ETV5: variants seen among roughly 807,000 people sequenced by gnomAD.
The protein encoded by ETV5 is ETS variant transcription factor 5.
A neutral mutation model predicts 70.0 loss-of-function variants in ETV5; 10 were observed. The ratio of observed to expected loss-of-function variants is 0.14; its 90% CI spans 0.09 to 0.24. ETV5 has a LOEUF of 0.24. Ranked by LOEUF, ETV5 falls within the 10% of genes least tolerant of loss-of-function variation. The pLI is 1.00. For missense variants in ETV5, 453 were observed against 651.2 expected, an observed-to-expected ratio of 0.70 and a Z score of 3.31; for synonymous variants, 216 against 242.2, an observed-to-expected ratio of 0.89 and a Z score of 1.01.
At chr3:186,078,895 G>T (rs1578551456) in intron 7 of ETV5, 1 of 254,942 alleles carries the variant, frequency 3.9e-6, no homozygotes, top group East Asian at 6.0e-5. Context: ...GAAATAAAAT[G>T]ACCTCCAAGT....
chr3:186,067,609 C>CA lies in ETV5; in HGVS notation c.651-1538dup, dbSNP rs908859546. Among the ~76,000 whole-genome samples, 261 of 116,642 alleles carry CA rather than the reference C, an allele frequency of 2.2e-3. 2 individuals are homozygous for CA. Among genetic ancestry groups the CA allele is most frequent in the Middle Eastern group, 4.5e-3 (1 of 220 alleles). 76.5% of individuals were successfully genotyped at this position (116,642 alleles called of 152,430 possible). ...CCTGGGCAACAGAGCAAGACTGTCT[C>CA]AAAAAAAAAAAAAAGTGAAACCATC... On this transcript the variant is annotated intron_variant, in intron 7 of 12. Transcript: ENST00000306376.
intron 6 of ETV5, among the ~76,000 whole-genome samples, chr3:186,080,350 G>A (rs899424258): frequency 6.6e-6 from 1 of 151,964 alleles, no homozygotes; most frequent in Non-Finnish European, 1.5e-5. Context: ...CTCTGCTTCC[G>A]GTTTCCTTTT....
chr3:186,049,971 G>A (rs1712986489), intron 12 of ETV5, among the ~76,000 whole-genome samples: 2 of 152,200 alleles, frequency 1.3e-5, no homozygotes, highest in South Asian at 4.2e-4. Context: ...AAAAATGGAG[G>A]GCATGGGACT....
chr3:186,104,687 C>A (rs530094303), intron 5 of ETV5, among the ~76,000 whole-genome samples: 27 of 151,932 alleles, frequency 1.8e-4, no homozygotes, highest in African/African-American at 5.1e-4. Context: ...TGGCCTAACA[C>A]CAAATATATT....
chr3:186,055,377 G>C (rs1172991669), intron 11 of ETV5, among the ~76,000 whole-genome samples: 3 of 152,160 alleles, frequency 2.0e-5, no homozygotes, highest in Non-Finnish European at 4.4e-5. Flanking sequence ...GTGAGGAGAG[G>C]CATGGGTCGG....
chr3:186,048,763 T>C lies in ETV5; in HGVS notation c.1409A>G (p.Glu470Gly), dbSNP rs1178585908. ...PDNQRPFLKA[E>G]SECHLSEEDT... is the part of the protein sequence containing the mutation. ...CTCCTCGCTGAGGTGGCACTCGGAC[T>C]CTGCCTTCAGGAACGGACGCTGGTT... The change falls in exon 13 of 13, where the codon GAG becomes GGG. Residue 470 changes from glutamate to glycine, a missense_variant. Physicochemically the swap from Glu to Gly is moderately conservative, Grantham distance 98. Coordinates refer to ENST00000306376, the MANE Select transcript of ETV5 (RefSeq NM_004454.3). 3 of 1,614,052 alleles carry C rather than the reference T, an allele frequency of 1.9e-6. No homozygotes were observed. Among genetic ancestry groups the C allele is most frequent in the Non-Finnish European group, 2.5e-6 (3 of 1,180,036 alleles).
chr3:186,108,584 G>A, intron 1 of ETV5: 3 of 1,245,878 alleles, frequency 2.4e-6, no homozygotes. Context: ...GAGCCTCCAA[G>A]TCCCCTCGGG....
intron 5 of ETV5, among the ~76,000 whole-genome samples, chr3:186,084,787 C>T (rs567163682): frequency 4.3e-4 from 65 of 152,270 alleles, no homozygotes; most frequent in African/African-American, 1.5e-3. Flanking sequence ...ACCACACTGA[C>T]AGAAATGGGA....
chr3:186,105,206 C>G lies in ETV5; in HGVS notation c.232+99G>C, dbSNP rs976796590. 3 of 979,120 alleles carry G rather than the reference C, an allele frequency of 3.1e-6. No individual in the cohort carries two copies. The highest frequency in any genetic ancestry group is 3.1e-6 in the Non-Finnish European group (2 of 640,034). 60.7% of individuals were successfully genotyped at this position (979,120 alleles called of 1,614,324 possible). On this transcript the variant is annotated intron_variant, in intron 5 of 12. Transcript: ENST00000306376. This position sits in a 1 kb window ranked among gnomAD's most constrained non-coding sequence, Gnocchi z 4.5. The stretch of plus-strand genomic sequence containing the variant: ...GAAGAAACTAAATGCATACTACTGT[C>G]TAAATCTGGCCATAGCTGAAAAAAG...
At chr3:186,050,944 T>C (rs1211103586) in intron 12 of ETV5, among the ~76,000 whole-genome samples, 3 of 152,208 alleles carry the variant, frequency 2.0e-5, no homozygotes, top group Non-Finnish European at 4.4e-5. Context: ...TCTTCCATTT[T>C]ATGGTATGCT....
Position 186,047,791 on chromosome 3 carries a change from G to A in ETV5, c.*848C>T. 1 of 233,148 alleles carries A rather than the reference G, an allele frequency of 4.3e-6. No homozygotes were observed. Among genetic ancestry groups the A allele is most frequent in the East Asian group, 6.0e-5 (1 of 16,552 alleles). The allele number at this position is 233,148 out of a possible 1,614,324, so 14.4% of individuals were successfully genotyped here. A position where few individuals can be genotyped will look rare whatever the true frequency, so the allele number is the denominator to read the frequency against. ...CACAGTTACCAAAAGGTTTGTTTTT[G>A]TTTTTTGTTTTTCGTTTTTTTGCTT... On this transcript the variant is annotated 3_prime_UTR_variant, in exon 13 of 13. Transcript: ENST00000306376.
chr3:186,052,255 T>A lies in ETV5; in HGVS notation c.1210-124A>T. ...TGGTCAATGATCTGCTACTCTGACC[T>A]GGAAGGGAAGGCATTTAACTCCCTC... is the stretch of plus-strand genomic sequence containing the variant. On this transcript the variant is annotated intron_variant, in intron 11 of 12. Coordinates refer to ENST00000306376, the MANE Select transcript of ETV5 (RefSeq NM_004454.3). The surrounding 1 kb of genome is among the most constrained non-coding windows in gnomAD (Gnocchi z 4.5). 1.2e-6 allele frequency: 1 copy of A among 822,594 alleles called. No homozygotes were observed. The highest frequency in any genetic ancestry group is 2.0e-6 in the Non-Finnish European group (1 of 508,706). The allele number at this position is 822,594 out of a possible 1,614,324, so 51.0% of individuals were successfully genotyped here.
intron 7 of ETV5, among the ~76,000 whole-genome samples, chr3:186,075,115 T>C: frequency 6.6e-6 from 1 of 152,122 alleles, no homozygotes; most frequent in East Asian, 1.9e-4. Flanking sequence ...ACAGTAAACA[T>C]GATGAAATGC....
At position 186,080,021 on chromosome 3, in the gene ETV5, A is replaced by G; in HGVS notation, c.446T>C (p.Leu149Pro). The change falls in exon 7 of 13, where the codon CTA becomes CCA. Residue 149 changes from leucine (L) to proline (P), a missense_variant. By Grantham distance (98) the Leu-to-Pro change is moderately conservative. Transcript: ENST00000306376. ...TPLSPTHQNP[L>P]FPPPQATLPT... ...CAGAGTTGCCTGAGGTGGGGGAAAT[A>G]GGGGATTCTGATGGGTGGGTGAGAG... 3.0e-5 allele frequency: 43 copies of G among 1,448,810 alleles called. No homozygotes were observed. Among genetic ancestry groups the G allele is most frequent in the South Asian group, 9.1e-5 (6 of 65,720 alleles). The allele number at this position is 1,448,810 out of a possible 1,614,324, so 89.7% of individuals were successfully genotyped here.
intron 5 of ETV5, among the ~76,000 whole-genome samples, chr3:186,083,738 T>C (rs1408451658): frequency 6.6e-6 from 1 of 152,232 alleles, no homozygotes; most frequent in Non-Finnish European, 1.5e-5. Context: ...ATATTTCCAA[T>C]TTGTTCTTAA....
chr3:186,106,473 G>T lies in ETV5; in HGVS notation c.-74-531C>A, dbSNP rs575523607. Among the ~76,000 whole-genome samples, 216 of 152,248 alleles carry T rather than the reference G, an allele frequency of 1.4e-3. 1 individual carries two copies. Among genetic ancestry groups the T allele is most frequent in the Admixed American group, 3.1e-3 (47 of 15,296 alleles). ...CTATATATAGTTCCTGGAATAAATT[G>T]ATCAGAGGTATACTTATCTTCACAC... On this transcript the variant is annotated intron_variant, in intron 1 of 12. Coordinates refer to ENST00000306376, the MANE Select transcript of ETV5 (RefSeq NM_004454.3).
At position 186,069,459 on chromosome 3, in the gene ETV5, G is replaced by A. The variant is rs532922258; in HGVS notation, c.651-3387C>T. The stretch of plus-strand genomic sequence containing the variant: ...AGAACATGGGCACCGGCAGCATGCC[G>A]CAAACCTAAAGGGAATTCTTTCAGA... On this transcript the variant is annotated intron_variant, in intron 7 of 12. Coordinates refer to ENST00000306376, the MANE Select transcript of ETV5 (RefSeq NM_004454.3). Among the ~76,000 whole-genome samples the A allele has an allele frequency of 9.3e-5, 14 of 150,916 alleles. No individual in the cohort carries two copies. The South Asian group carries it at 2.9e-3, about 32-fold the overall frequency.
At position 186,057,388 on chromosome 3, in the gene ETV5, C is replaced by T. The variant is rs572694230; in HGVS notation, c.1039+35G>A. On this transcript the variant is annotated intron_variant, in intron 10 of 12. Coordinates refer to ENST00000306376, the MANE Select transcript of ETV5 (RefSeq NM_004454.3). The surrounding 1 kb of genome is among the most constrained non-coding windows in gnomAD (Gnocchi z 4.9). ...GAGGTGTTCTGACACCTCCAAACCT[C>T]TACCTGGCAACAAACCTTGGATGGG... 2.5e-5 allele frequency: 40 copies of T among 1,612,480 alleles called. No individual in the cohort carries two copies. In the South Asian group the frequency reaches 4.4e-4, roughly 18 times the overall value.
At chr3:186,095,039 A>G (rs564306751) in intron 5 of ETV5, 28 of 152,330 alleles carry the variant, frequency 1.8e-4, no homozygotes, top group African/African-American at 3.4e-4. Flanking sequence ...GAGGATTCTG[A>G]GCATTATTTG....
Sources: allele counts gnomAD v4.1 joint callset (sites outside exome capture counted in the v4.1 genomes callset), GRCh38; gene constraint gnomAD v4.1.1; non-coding constraint Gnocchi (gnomAD v3.1); transcripts MANE v1.5; gene names NCBI Gene and HGNC (gene_info 2026-07-23, HGNC 2026-07-21).